The following DENND1B variants were observed in gnomAD, a reference collection of about 807,000 sequenced individuals.
DENND1B encodes the protein DENN domain-containing protein 1B.
DENND1B carries 59 observed loss-of-function variants against 90.1 expected under a neutral mutation model. The ratio of observed to expected loss-of-function variants is 0.65; its 90% confidence interval spans 0.53 to 0.81. The LOEUF (loss-of-function observed/expected upper bound fraction) is 0.81. Among genes scored for constraint, DENND1B ranks in the 40% least tolerant of loss-of-function variants. DENND1B has a pLI of 0.00. For missense variants in DENND1B, 862 were observed against 912.6 expected, an observed-to-expected ratio of 0.94 and a Z score of 0.71; for synonymous variants, 337 against 324.6, an observed-to-expected ratio of 1.04 and a Z score of -0.41.
At chr1:197,705,690 T>C (rs901843842) in intron 3 of DENND1B, among the ~76,000 whole-genome samples, 4 of 149,130 alleles carry the variant, frequency 2.7e-5, no homozygotes, top group Non-Finnish European at 3.0e-5. Context: ...AGGAGGTTTG[T>C]AATTGGTTGA....
chr1:197,554,690 A>T (rs915463826), intron 15 of DENND1B, among the ~76,000 whole-genome samples: 3 of 151,670 alleles, frequency 2.0e-5, no homozygotes, highest in Admixed American at 1.3e-4. Context: ...AATACAAAAA[A>T]TATTAGCTGG....
chr1:197,627,843 A>C (rs1456838742), intron 10 of DENND1B, among the ~76,000 whole-genome samples: 4 of 152,176 alleles, frequency 2.6e-5, no homozygotes, highest in Non-Finnish European at 5.9e-5. Context: ...TCAGGATACA[A>C]AATCAATGTA....
At chr1:197,746,045 T>C (rs1193567414) in intron 2 of DENND1B, among the ~76,000 whole-genome samples, 3 of 152,210 alleles carry the variant, frequency 2.0e-5, no homozygotes, top group Admixed American at 6.5e-5. Context: ...TATAAACAAC[T>C]GTTAATCTTA....
intron 2 of DENND1B, among the ~76,000 whole-genome samples, chr1:197,752,534 G>A (rs1308414881): frequency 1.3e-5 from 2 of 151,808 alleles, no homozygotes; most frequent in Non-Finnish European, 2.9e-5. Flanking sequence ...TTGTAATAAA[G>A]CAATTTTATC....
intron 2 of DENND1B, among the ~76,000 whole-genome samples, chr1:197,772,531 TAACAG>T (rs770766498): frequency 4.6e-5 from 7 of 152,174 alleles, no homozygotes; most frequent in Non-Finnish European, 1.0e-4. Flanking sequence ...TTTTAAGAAT[TAACAG>T]AACAGGCCAG....
intron 5 of DENND1B, among the ~76,000 whole-genome samples, chr1:197,667,086 A>G (rs575283671): frequency 2.0e-5 from 3 of 151,430 alleles, no homozygotes; most frequent in East Asian, 3.9e-4. Flanking sequence ...GTGAGCAAAG[A>G]TTGCGTCACT....
Position 197,509,643 on chromosome 1 carries a change from T to G in DENND1B, c.*817A>C, listed in dbSNP as rs1280557302. 2.9e-5 allele frequency: 3 copies of G among 103,052 alleles called. No homozygotes were observed. Among genetic ancestry groups the G allele is most frequent in the Non-Finnish European group, 4.2e-5 (2 of 47,098 alleles). The allele number at this position is 103,052 out of a possible 1,614,324, so 6.4% of individuals were successfully genotyped here. ...AAAAAAAGATTTTTTTTTTTTTTTT[T>G]GTCAGGACGGTTTATGTTGTATTTG... On this transcript the variant is annotated 3_prime_UTR_variant, in exon 23 of 23. Transcript: ENST00000620048.
At chr1:197,537,216 A>ATGTTTAATG (rs1669977239) in intron 20 of DENND1B, among the ~76,000 whole-genome samples, 1 of 152,186 alleles carries the variant, frequency 6.6e-6, no homozygotes. Flanking sequence ...CATTTGCATC[A>ATGTTTAATG]CAATTCTAAA....
intron 2 of DENND1B, among the ~76,000 whole-genome samples, chr1:197,764,646 T>C (rs1010044822): frequency 6.6e-6 from 1 of 152,162 alleles, no homozygotes; most frequent in African/African-American, 2.4e-5. Context: ...TCAACAGATC[T>C]TTCCATTATA....
intron 17 of DENND1B, 27 bp downstream of exon 17, chr1:197,546,706 G>T: frequency 6.5e-7 from 1 of 1,534,822 alleles, no homozygotes; most frequent in Non-Finnish European, 8.8e-7. Context: ...TAGAGTGAAA[G>T]AATAACATTT....
chr1:197,775,122 CG>C lies in DENND1B; in HGVS notation c.17+16del. Reference sequence around the variant, plus strand: ...GAGGGACGCCCGCCCCCGACGCGCCCGGGCCCCCCCACTCACTTGGTCCTGC... The same window carrying C: ...GAGGGACGCCCGCCCCCGACGCGCCCGGCCCCCCCACTCACTTGGTCCTGC... On this transcript the variant is annotated intron_variant, in intron 1 of 22. Transcript: ENST00000620048. 7.8e-7 allele frequency: 1 copy of C among 1,279,036 alleles called. No homozygotes were observed. Among genetic ancestry groups the C allele is most frequent in the Non-Finnish European group, 1.0e-6 (1 of 1,000,782 alleles). The allele number at this position is 1,279,036 out of a possible 1,614,324, so 79.2% of individuals were successfully genotyped here. A position where few individuals can be genotyped will look rare whatever the true frequency, so the allele number is the denominator to read the frequency against.
chr1:197,599,270 T>C lies in DENND1B; in HGVS notation c.922-3937A>G, dbSNP rs147327554. On this transcript the variant is annotated intron_variant, in intron 13 of 22. Coordinates refer to ENST00000620048, the MANE Select transcript of DENND1B (RefSeq NM_001195215.2). The stretch of plus-strand genomic sequence containing the variant: ...TTGAGTTTTTCTGAGAAGTAACAGA[T>C]TTTTTCTTTTACTTAACTTTTAGAT... 6.9e-4 allele frequency among the ~76,000 whole-genome samples: 105 copies of C among 151,934 alleles called. No individual in the cohort carries two copies. The East Asian group carries it at 0.02, about 29-fold the overall frequency.
chr1:197,568,727 G>A (rs1458917012), intron 15 of DENND1B, among the ~76,000 whole-genome samples: 1 of 152,022 alleles, frequency 6.6e-6, no homozygotes, highest in African/African-American at 2.4e-5. Flanking sequence ...TTCAACTAAG[G>A]TGCTAAGAAC....
At chr1:197,665,779 T>A (rs558637101) in intron 5 of DENND1B, among the ~76,000 whole-genome samples, 1 of 152,196 alleles carries the variant, frequency 6.6e-6, no homozygotes, top group Non-Finnish European at 1.5e-5. Flanking sequence ...AAAGACAACT[T>A]CAAACAGTAG....
At chr1:197,650,260 A>G (rs995198627) in intron 7 of DENND1B, among the ~76,000 whole-genome samples, 1 of 152,204 alleles carries the variant, frequency 6.6e-6, no homozygotes, top group African/African-American at 2.4e-5. Context: ...TAATTATTCA[A>G]TGTTTAAAAC....
chr1:197,598,309 G>T (rs1675892401), intron 13 of DENND1B, among the ~76,000 whole-genome samples: 1 of 151,548 alleles, frequency 6.6e-6, no homozygotes, highest in Non-Finnish European at 1.5e-5. Flanking sequence ...GTTTCTACAT[G>T]GGCAAATGAA....
intron 15 of DENND1B, among the ~76,000 whole-genome samples, chr1:197,567,562 C>T (rs1003133670): frequency 2.0e-5 from 3 of 152,016 alleles, no homozygotes; most frequent in South Asian, 2.1e-4. Flanking sequence ...ATCCAATGTC[C>T]CTTAAACATA....
At chr1:197,775,768 C>A (rs1174457957), upstream of DENND1B, 1 of 152,432 alleles carries the variant, frequency 6.6e-6, no homozygotes, top group African/African-American at 2.4e-5. Flanking sequence ...GCTGCAACCC[C>A]ACAAAGGGCG....
intron 16 of DENND1B, chr1:197,552,184 C>T (rs1671294357): frequency 1.0e-6 from 1 of 973,342 alleles, no homozygotes; most frequent in Non-Finnish European, 1.2e-6. Flanking sequence ...GTTTTTTTTC[C>T]TCAAAACAAA....
Sources: allele counts gnomAD v4.1 joint callset (sites outside exome capture counted in the v4.1 genomes callset), GRCh38; gene constraint gnomAD v4.1.1; transcripts MANE v1.5; gene names NCBI Gene and HGNC (gene_info 2026-07-23, HGNC 2026-07-21).